Variants in ZNF112 observed in about 807,000 individuals in gnomAD.
ZNF112 encodes the protein zinc finger protein 112.
A neutral mutation model predicts 77.7 loss-of-function variants in ZNF112; 37 were observed. The observed-to-expected ratio is 0.48, with a 90% confidence interval of 0.37 to 0.63. The LOEUF (loss-of-function observed/expected upper bound fraction) is 0.63. Among genes scored for constraint, ZNF112 ranks in the 20% least tolerant of loss-of-function variants. The pLI is 0.00. For synonymous variants in ZNF112, 333 were observed against 363.6 expected, an observed-to-expected ratio of 0.92 and a Z score of 0.96; for missense variants, 950 against 1,077.4, an observed-to-expected ratio of 0.88 and a Z score of 1.66.
intron 2 of ZNF112, among the ~76,000 whole-genome samples, chr19:44,339,004 T>C (rs375327386): frequency 6.6e-6 from 1 of 152,290 alleles, no homozygotes; most frequent in Admixed American, 6.5e-5. Context: ...GAGGATTCAG[T>C]GAGCTGAGGT....
chr19:44,343,354 CG>C, intron 1 of ZNF112: 1 of 1,460,006 alleles, frequency 6.8e-7, no homozygotes, highest in African/African-American at 1.4e-5. Flanking sequence ...AAAAGGGAAA[CG>C]TATCTTTGTG....
At chr19:44,352,590 G>T (rs899854275) in intron 1 of ZNF112, among the ~76,000 whole-genome samples, 3 of 152,058 alleles carry the variant, frequency 2.0e-5, no homozygotes, top group African/African-American at 7.2e-5. Flanking sequence ...ATGTGTCTCT[G>T]TGGAAAATCC....
Position 44,342,763 on chromosome 19 carries a change from C to T in ZNF112, c.-3-2221G>A, listed in dbSNP as rs562560317. ...CCAGGAGGTGGAGGGTGCAGTGAGC[C>T]GAGATCATGCCACTGCATTCCAGCC... On this transcript the variant is annotated intron_variant, in intron 1 of 3. Transcript: ENST00000354340. 1.2e-4 allele frequency among the ~76,000 whole-genome samples: 18 copies of T among 149,806 alleles called. No homozygotes were observed. The East Asian group carries it at 1.8e-3, about 15-fold the overall frequency.
Position 44,329,338 on chromosome 19 carries a change from G to T in ZNF112, c.819C>A (p.Phe273Leu). 4 of 1,613,796 alleles carry T rather than the reference G, an allele frequency of 2.5e-6. No homozygotes were observed. Among genetic ancestry groups the T allele is most frequent in the East Asian group, 2.2e-5 (1 of 44,856 alleles). The part of the protein sequence containing the change: ...NDSSSEVHQQ[F>L]HLEGKPYTYS... ...ATGTATAGGGCTTCCCTTCCAAGTG[G>T]AACTGCTGATGAACCTCAGAGCTGG... The change falls in exon 4 of 4, where the codon TTC (phenylalanine) becomes TTA (leucine). Residue 273 changes from phenylalanine to leucine, a missense_variant. Phe to Leu is a conservative substitution (Grantham distance 22, BLOSUM62 0). This residue lies in a region of ZNF112 where 560 missense variants were observed against 557.3 expected (regional missense o/e 1.00). Coordinates refer to ENST00000354340, the MANE Select transcript of ZNF112 (RefSeq NM_013380.4).
At chr19:44,364,442 T>G (rs1051974903) in intron 1 of ZNF112, among the ~76,000 whole-genome samples, 1 of 152,190 alleles carries the variant, frequency 6.6e-6, no homozygotes, top group African/African-American at 2.4e-5. Flanking sequence ...TGGGTGTCAG[T>G]CAGTCTGAAA....
intron 1 of ZNF112, among the ~76,000 whole-genome samples, chr19:44,362,200 T>C (rs1970861379): frequency 6.6e-6 from 1 of 151,746 alleles, no homozygotes; most frequent in African/African-American, 2.4e-5. Flanking sequence ...AAATCTCATA[T>C]TGGAAGGAGG....
intron 2 of ZNF112, among the ~76,000 whole-genome samples, chr19:44,339,100 A>C (rs1220954808): frequency 6.6e-6 from 1 of 152,188 alleles, no homozygotes; most frequent in African/African-American, 2.4e-5. Flanking sequence ...TTTATGGATA[A>C]AATCACAGCA....
At chr19:44,345,989 T>C (rs1438348018) in intron 1 of ZNF112, among the ~76,000 whole-genome samples, 2 of 152,202 alleles carry the variant, frequency 1.3e-5, no homozygotes, top group Non-Finnish European at 2.9e-5. Flanking sequence ...AAATCATTCT[T>C]AGCTGAAGAA....
In ZNF112 at chr19:44,334,041, C is replaced by T. The variant is rs150875262; in HGVS notation, c.220+2582G>A. Among the ~76,000 whole-genome samples, 386 of 152,216 alleles carry T rather than the reference C, an allele frequency of 2.5e-3. 3 individuals carry two copies. Among genetic ancestry groups the T allele is most frequent in the Middle Eastern group, 0.01 (3 of 294 alleles). On this transcript the variant is annotated intron_variant, in intron 3 of 3. Transcript: ENST00000354340. ...CGGATAGTGATATGGACAGTGAAGT[C>T]CAGGCTGAGGTGGTCTCAGATGGAG...
At chr19:44,330,044 A>G in intron 3 of ZNF112, 108 bp from the exon 4 acceptor site, 1 of 769,052 alleles carries the variant, frequency 1.3e-6, no homozygotes, top group Non-Finnish European at 2.0e-6. Flanking sequence ...ACCAGAGGAA[A>G]ATTCATGCCA....
chr19:44,354,115 A>G (rs1476886318), intron 1 of ZNF112, among the ~76,000 whole-genome samples: 4 of 152,162 alleles, frequency 2.6e-5, no homozygotes, highest in African/African-American at 9.6e-5. Context: ...CCGGTCTCAA[A>G]TGTTAACATA....
At chr19:44,331,072 G>A (rs906191315) in intron 3 of ZNF112, among the ~76,000 whole-genome samples, 1 of 152,176 alleles carries the variant, frequency 6.6e-6, no homozygotes, top group African/African-American at 2.4e-5. Flanking sequence ...AGACTAACGC[G>A]CTGCCAGCTG....
rs1568668281 is a variant in ZNF112, at chr19:44,340,535, A to T, written c.5T>A (p.Val2Glu). ...GACCACAGCAACATCCTTGAATGTC[A>T]CCATCTCCTACAATGCCAAACACAT... MVTFKDVAVVFT... is the reference protein window; with the variant it reads METFKDVAVVFT... The change falls in exon 2 of 4, where the codon GTG (valine) becomes GAG (glutamate). Residue 2 changes from valine to glutamate, a missense_variant. Transcript: ENST00000354340. 1.2e-6 allele frequency: 2 copies of T among 1,613,982 alleles called. No homozygotes were observed. Among genetic ancestry groups the T allele is most frequent in the African/African-American group, 2.7e-5 (2 of 75,002 alleles).
chr19:44,327,175 C>A lies in ZNF112; in HGVS notation c.*258G>T. On this transcript the variant is annotated 3_prime_UTR_variant, in exon 4 of 4. Coordinates refer to ENST00000354340, the MANE Select transcript of ZNF112 (RefSeq NM_013380.4). ...ACATTCTAGAGAACATGGATTTAGG[C>A]ATGCTCATCACTGTACTTTTATTAA... 1 of 348,918 alleles carries A rather than the reference C, an allele frequency of 2.9e-6. No homozygotes were observed. Among genetic ancestry groups the A allele is most frequent in the Non-Finnish European group, 5.2e-6 (1 of 193,718 alleles). 21.6% of individuals were successfully genotyped at this position (348,918 alleles called of 1,614,324 possible).
intron 3 of ZNF112, among the ~76,000 whole-genome samples, chr19:44,333,287 A>G (rs1307699297): frequency 1.3e-5 from 2 of 152,204 alleles, no homozygotes; most frequent in Non-Finnish European, 2.9e-5. Flanking sequence ...TTCTTCTTTA[A>G]TAAAAGCTAA....
At chr19:44,358,607 T>C (rs979091821), upstream of ZNF112, among the ~76,000 whole-genome samples, 1 of 152,180 alleles carries the variant, frequency 6.6e-6, no homozygotes, top group Admixed American at 6.5e-5. Context: ...AACAAAAGAT[T>C]CTAGCAAAAA....
At chr19:44,340,810 GTAATAA>G (rs1461917068) in intron 1 of ZNF112, among the ~76,000 whole-genome samples, 1 of 152,164 alleles carries the variant, frequency 6.6e-6, no homozygotes, top group African/African-American at 2.4e-5. Flanking sequence ...ATTTTAAATT[GTAATAA>G]TAATGTCATT....
chr19:44,340,298 G>C, intron 2 of ZNF112, 118 bp downstream of exon 2: 2 of 1,383,228 alleles, frequency 1.4e-6, no homozygotes, highest in Non-Finnish European at 2.0e-6. Flanking sequence ...GGATTATTAG[G>C]ACTCTCGGGC....
chr19:44,343,033 T>C (rs1970520506), intron 1 of ZNF112, among the ~76,000 whole-genome samples: 1 of 152,066 alleles, frequency 6.6e-6, no homozygotes, highest in Non-Finnish European at 1.5e-5. Flanking sequence ...AAATTTCTAT[T>C]CTTCTTTGTA....
Sources: allele counts gnomAD v4.1 joint callset (sites outside exome capture counted in the v4.1 genomes callset), GRCh38; gene constraint gnomAD v4.1.1; regional missense constraint gnomAD v4.1.1; transcripts MANE v1.5; gene names NCBI Gene and HGNC (gene_info 2026-07-23, HGNC 2026-07-21).